CEP83: variants seen among roughly 807,000 people sequenced by gnomAD.
The protein encoded by CEP83 is centrosomal protein of 83 kDa.
A neutral mutation model predicts 101.9 loss-of-function variants in CEP83; 70 were observed. The ratio of observed to expected loss-of-function variants is 0.69; its 90% confidence interval spans 0.57 to 0.84. The LOEUF is 0.84. CEP83 is among the 40% of genes least tolerant of loss of function. CEP83 has a pLI of 0.00. For synonymous variants in CEP83, 264 were observed against 267.9 expected, an observed-to-expected ratio of 0.99 and a Z score of 0.14; for missense variants, 715 against 787.2, an observed-to-expected ratio of 0.91 and a Z score of 1.10.
rs1159413395 is a variant in CEP83 at position 94,308,627 on chromosome 12, G to A, written c.*186C>T. On this transcript the variant is annotated 3_prime_UTR_variant, in exon 17 of 17. Coordinates refer to ENST00000397809, the MANE Select transcript of CEP83 (RefSeq NM_016122.3). ...TATCTCTGAGAATTTCTCTTTTAAT[G>A]CTTCACTTGTATAATCTTAAAATCC... The A allele has an allele frequency of 2.6e-6, 1 of 391,290 alleles. No individual in the cohort carries two copies. Among genetic ancestry groups the A allele is most frequent in the Non-Finnish European group, 4.6e-6 (1 of 217,452 alleles). The allele number at this position is 391,290 out of a possible 1,614,324, so 24.2% of individuals were successfully genotyped here.
At chr12:94,308,943 G>A (rs1969389655) in intron 16 of CEP83, 26 bp from the exon 17 acceptor site, 1 of 1,522,870 alleles carries the variant, frequency 6.6e-7, no homozygotes, top group Admixed American at 1.7e-5. Flanking sequence ...AGAAAGCATA[G>A]CAAAAGAAAC....
chr12:94,420,647 A>C (rs1472155470), intron 2 of CEP83, among the ~76,000 whole-genome samples: 3 of 152,092 alleles, frequency 2.0e-5, no homozygotes, highest in Admixed American at 6.6e-5. Flanking sequence ...TGTGTGGCCC[A>C]AGATAATTCT....
downstream of CEP83, among the ~76,000 whole-genome samples, chr12:94,303,460 G>A (rs1968666072): frequency 6.6e-6 from 1 of 152,106 alleles, no homozygotes; most frequent in Non-Finnish European, 1.5e-5. Flanking sequence ...CATTGTTACA[G>A]TAACTCAAAA....
intron 11 of CEP83, among the ~76,000 whole-genome samples, chr12:94,342,696 GA>G (rs750963909): frequency 9.3e-5 from 14 of 151,034 alleles, no homozygotes; most frequent in Non-Finnish European, 1.9e-4. Context: ...AAACGATTCA[GA>G]AAATTTAAAA....
the CEP83 span, among the ~76,000 whole-genome samples, chr12:94,296,166 C>G: frequency 2.0e-5 from 3 of 152,058 alleles, no homozygotes; most frequent in Admixed American, 6.6e-5. Context: ...GCTCGTCTCT[C>G]TCATCTTTAT....
At chr12:94,357,169 T>C (rs953112477) in intron 11 of CEP83, among the ~76,000 whole-genome samples, 1 of 152,216 alleles carries the variant, frequency 6.6e-6, no homozygotes, top group Non-Finnish European at 1.5e-5. Context: ...ATTGCCAGGC[T>C]GCTCTGTGAC....
chr12:94,330,973 C>T lies in CEP83; in HGVS notation c.1707+727G>A, dbSNP rs749282391. Among the ~76,000 whole-genome samples, 107 of 152,086 alleles carry T rather than the reference C, an allele frequency of 7.0e-4. 4 individuals are homozygous for T. Among genetic ancestry groups the T allele is most frequent in the Non-Finnish European group, 2.4e-4 (16 of 68,020 alleles). On this transcript the variant is annotated intron_variant, in intron 14 of 16. Transcript: ENST00000397809. ...AAACATATCACTAAAATCTCAGATT[C>T]AACTATATACTTTATTCTCCTATAA...
At chr12:94,379,236 G>A (rs1365774650) in intron 6 of CEP83, among the ~76,000 whole-genome samples, 194 bp from the exon 7 acceptor site, 1 of 152,172 alleles carries the variant, frequency 6.6e-6, no homozygotes, top group Non-Finnish European at 1.5e-5. Context: ...GTCAAGGACT[G>A]TGTCCTGTTT....
intron 2 of CEP83, among the ~76,000 whole-genome samples, chr12:94,431,823 ATGC>A (rs1376451986): frequency 6.6e-6 from 1 of 152,230 alleles, no homozygotes; most frequent in African/African-American, 2.4e-5. Context: ...GAACTCTTAT[ATGC>A]TGCTGGTAGG....
At chr12:94,269,584 G>A in the CEP83 span, among the ~76,000 whole-genome samples, 1,149 of 152,224 alleles carry the variant, frequency 7.5e-3, 11 homozygotes, top group African/African-American at 0.025. Flanking sequence ...CATTAGCCCC[G>A]TAATTAAACA....
intron 1 of CEP83, among the ~76,000 whole-genome samples, chr12:94,442,164 G>C (rs970166925): frequency 1.6e-4 from 25 of 151,978 alleles, no homozygotes; most frequent in African/African-American, 5.8e-4. Flanking sequence ...CCATAAAAAG[G>C]AATGAAATAA....
chr12:94,341,840 T>C (rs925142089), intron 11 of CEP83, among the ~76,000 whole-genome samples: 20 of 152,318 alleles, frequency 1.3e-4, no homozygotes, highest in African/African-American at 4.6e-4. Context: ...ATGCTGAACA[T>C]TTTATCACTA....
intron 5 of CEP83, chr12:94,401,389 T>C (rs2063246451): frequency 1.3e-5 from 2 of 152,280 alleles, no homozygotes; most frequent in Non-Finnish European, 2.9e-5. Context: ...GTAAGGTTAT[T>C]GTAATATTTA....
chr12:94,375,044 C>T (rs888079607), intron 8 of CEP83, among the ~76,000 whole-genome samples: 2 of 152,118 alleles, frequency 1.3e-5, no homozygotes, highest in African/African-American at 4.8e-5. Flanking sequence ...TGAGTACCTA[C>T]TATGTGCCGG....
intron 6 of CEP83, among the ~76,000 whole-genome samples, chr12:94,398,149 C>T (rs1358354432): frequency 6.6e-6 from 1 of 152,146 alleles, no homozygotes; most frequent in African/African-American, 2.4e-5. Flanking sequence ...TATGGTCTCC[C>T]CCACTCCTTC....
intron 8 of CEP83, among the ~76,000 whole-genome samples, chr12:94,371,550 T>C (rs1193448786): frequency 2.6e-5 from 4 of 152,234 alleles, no homozygotes; most frequent in Non-Finnish European, 4.4e-5. Context: ...TTTTCTGATA[T>C]ATTATCCAAA....
At chr12:94,415,659 T>G (rs2064209942) in intron 2 of CEP83, among the ~76,000 whole-genome samples, 1 of 149,578 alleles carries the variant, frequency 6.7e-6, no homozygotes, top group Admixed American at 6.8e-5. Context: ...GTGACAATTT[T>G]AAATTTACAT....
intron 6 of CEP83, among the ~76,000 whole-genome samples, chr12:94,387,372 G>A (rs1026508965): frequency 4.6e-5 from 7 of 152,106 alleles, no homozygotes; most frequent in Admixed American, 2.0e-4. Flanking sequence ...CACATCTGAG[G>A]GATCTAGGTT....
At chr12:94,437,252 G>A (rs974880396) in intron 1 of CEP83, among the ~76,000 whole-genome samples, 15 of 152,058 alleles carry the variant, frequency 9.9e-5, no homozygotes, top group African/African-American at 3.1e-4. Context: ...GGCTGAGGCA[G>A]GACAATCACC....
Sources: gnomAD v4.1 joint callset for allele counts (sites outside exome capture counted in the v4.1 genomes callset) on GRCh38, gnomAD v4.1.1 for gene constraint, MANE v1.5 for transcripts, NCBI Gene and HGNC (gene_info 2026-07-23, HGNC 2026-07-21) for gene names.